Variants in GAREM1 observed in about 807,000 individuals in gnomAD.
The protein encoded by GAREM1 is GRB2-associated and regulator of MAPK protein 1.
Under a neutral mutation model 71.3 loss-of-function variants are expected in GAREM1, and 26 were observed. The observed-to-expected ratio is 0.36, with a 90% CI of 0.27 to 0.51. GAREM1 has a LOEUF of 0.51. Ranked by LOEUF, GAREM1 falls within the 20% of genes least tolerant of loss-of-function variation. The pLI is 0.95. For missense variants in GAREM1, 1,026 were observed against 1,103.1 expected (o/e 0.93, Z 0.99); for synonymous variants, 440 against 433.2 (o/e 1.02, Z -0.20).
At chr18:32,459,641 T>C (rs1007632502) in intron 1 of GAREM1, among the ~76,000 whole-genome samples, 1 of 152,208 alleles carries the variant, frequency 6.6e-6, no homozygotes, top group Non-Finnish European at 1.5e-5. Context: ...GCTTGATTGA[T>C]TTTGTGGGTC....
chr18:32,360,562 T>G (rs941633187), intron 2 of GAREM1, among the ~76,000 whole-genome samples: 1 of 151,436 alleles, frequency 6.6e-6, no homozygotes, highest in Non-Finnish European at 1.5e-5. Context: ...AGATCTTTTT[T>G]GGGGGGGTGG....
At chr18:32,299,915 T>A (rs1052082849) in intron 3 of GAREM1, among the ~76,000 whole-genome samples, 39 of 152,158 alleles carry the variant, frequency 2.6e-4, no homozygotes, top group Middle Eastern at 6.3e-3. Context: ...AAAATTTATA[T>A]TATGAGACTG....
At chr18:32,379,705 T>TA (rs1212821363) in intron 2 of GAREM1, among the ~76,000 whole-genome samples, 1,621 of 140,372 alleles carry the variant, frequency 0.012, 25 homozygotes, top group African/African-American at 0.035. Context: ...ACTTGGTCTT[T>TA]AAAAAAAAAA....
At chr18:32,317,909 C>T (rs2047395689) in intron 2 of GAREM1, among the ~76,000 whole-genome samples, 1 of 147,680 alleles carries the variant, frequency 6.8e-6, no homozygotes, top group Non-Finnish European at 1.5e-5. Context: ...CCCACAATCC[C>T]CACATGGAGG....
chr18:32,428,933 G>GTT (rs374018552), intron 1 of GAREM1, among the ~76,000 whole-genome samples: 9 of 146,890 alleles, frequency 6.1e-5, no homozygotes, highest in East Asian at 4.0e-4. Flanking sequence ...AGTAGTTCAA[G>GTT]TTTTTTTTTT....
intron 1 of GAREM1, among the ~76,000 whole-genome samples, chr18:32,405,612 C>T (rs2048357424): frequency 6.6e-6 from 1 of 152,202 alleles, no homozygotes; most frequent in African/African-American, 2.4e-5. Context: ...ACTGTCCTTG[C>T]AGTTAAGTGT....
At chr18:32,399,335 G>A (rs2048288778) in intron 1 of GAREM1, among the ~76,000 whole-genome samples, 1 of 152,128 alleles carries the variant, frequency 6.6e-6, no homozygotes, top group African/African-American at 2.4e-5. Flanking sequence ...AATCAGGCAG[G>A]AGAAAGAAAT....
chr18:32,275,604 TC>T (rs2041529768), intron 4 of GAREM1, among the ~76,000 whole-genome samples: 1 of 152,152 alleles, frequency 6.6e-6, no homozygotes, highest in Non-Finnish European at 1.5e-5. Context: ...CCTGAGCAAT[TC>T]CCCGGCCTAA....
rs1404367185 is a variant in GAREM1 at position 32,287,300 on chromosome 18, A to G, written c.1297T>C (p.Tyr433His). Reference sequence around the variant, plus strand: ...TCTTCACTAGCTTCTGGGAAAAGGTAGTCGCTCCCACTATCTCCAGAGTCC... The same window carrying G: ...TCTTCACTAGCTTCTGGGAAAAGGTGGTCGCTCCCACTATCTCCAGAGTCC... ...YQDSGDSGSD[Y>H]LFPEASEESA... The change falls in exon 4 of 6, where the codon TAC becomes CAC. Residue 433 changes from tyrosine (Y) to histidine (H), a missense_variant. Coordinates refer to ENST00000269209, the MANE Select transcript of GAREM1 (RefSeq NM_001242409.2). This position sits in a 1 kb window ranked among gnomAD's most constrained non-coding sequence, Gnocchi z 5.9. The G allele has an allele frequency of 3.1e-6, 5 of 1,614,186 alleles. No homozygotes were observed. The highest frequency in any genetic ancestry group is 2.2e-5 in the South Asian group (2 of 91,088).
chr18:32,278,826 G>A (rs950669817), intron 4 of GAREM1, among the ~76,000 whole-genome samples: 5 of 152,122 alleles, frequency 3.3e-5, no homozygotes, highest in Admixed American at 2.6e-4. Flanking sequence ...TTACACAAGG[G>A]CAAATGTGAT....
intron 3 of GAREM1, among the ~76,000 whole-genome samples, chr18:32,297,623 T>A (rs1409903468): frequency 6.6e-6 from 1 of 152,224 alleles, no homozygotes; most frequent in Non-Finnish European, 1.5e-5. Flanking sequence ...CAAATTTTTA[T>A]TGACTATGTT....
At chr18:32,283,761 T>C (rs2046979096) in intron 4 of GAREM1, among the ~76,000 whole-genome samples, 1 of 152,104 alleles carries the variant, frequency 6.6e-6, no homozygotes, top group Non-Finnish European at 1.5e-5. Flanking sequence ...TGGCTCACGA[T>C]GTAGTTTCCC....
chr18:32,319,829 TAA>T (rs1180004327), intron 2 of GAREM1, among the ~76,000 whole-genome samples: 1 of 152,242 alleles, frequency 6.6e-6, no homozygotes, highest in Non-Finnish European at 1.5e-5. Flanking sequence ...CATCACTGCA[TAA>T]AAATCTGTCT....
At chr18:32,303,644 A>G (rs1003879965) in intron 3 of GAREM1, among the ~76,000 whole-genome samples, 1 of 152,120 alleles carries the variant, frequency 6.6e-6, no homozygotes, top group African/African-American at 2.4e-5. Flanking sequence ...CAGGCCAGGC[A>G]TGGTGGCTCA....
intron 1 of GAREM1, among the ~76,000 whole-genome samples, chr18:32,398,905 C>T (rs2048284201): frequency 1.3e-5 from 2 of 152,234 alleles, no homozygotes; most frequent in Non-Finnish European, 2.9e-5. Context: ...AACATTGATG[C>T]AAAAATCCTC....
At chr18:32,441,891 G>A (rs1046466534) in intron 1 of GAREM1, among the ~76,000 whole-genome samples, 1 of 152,118 alleles carries the variant, frequency 6.6e-6, no homozygotes, top group African/African-American at 2.4e-5. Context: ...CCCTTGGAAG[G>A]TCACCGTAAC....
intron 2 of GAREM1, among the ~76,000 whole-genome samples, chr18:32,385,224 C>A (rs899321668): frequency 3.3e-5 from 5 of 151,810 alleles, no homozygotes; most frequent in Non-Finnish European, 7.4e-5. Context: ...TTTGCTCCCC[C>A]CAAATCAAAT....
In GAREM1 at chr18:32,470,706, G is replaced by A. The variant is rs914767413; in HGVS notation, c.-278C>T. 1.3e-5 allele frequency among the ~76,000 whole-genome samples: 2 copies of A among 149,528 alleles called. No homozygotes were observed. The highest frequency in any genetic ancestry group is 3.0e-5 in the Non-Finnish European group (2 of 67,030). On this transcript the variant is annotated 5_prime_UTR_variant, in exon 1 of 6. Transcript: ENST00000269209. The surrounding 1 kb of genome is among the most constrained non-coding windows in gnomAD (Gnocchi z 4.4). ...AGCCGCGCGGCTGCGGGCGGCGGCG[G>A]CGGCCCGGGTGGCTGCGGCGGCTCC...
intron 1 of GAREM1, chr18:32,413,386 TA>T: frequency 1.6e-6 from 1 of 621,076 alleles, no homozygotes. Context: ...GCTGAAAACC[TA>T]ATGATGTTTC....
Sources: gnomAD v4.1 joint callset for allele counts (sites outside exome capture counted in the v4.1 genomes callset) on GRCh38, gnomAD v4.1.1 for gene constraint, Gnocchi (gnomAD v3.1) non-coding constraint, MANE v1.5 for transcripts, NCBI Gene and HGNC (gene_info 2026-07-23, HGNC 2026-07-21) for gene names.